Variants in TFCP2L1 observed in about 807,000 individuals in gnomAD.
TFCP2L1 encodes transcription factor CP2 like 1.
Under a neutral mutation model 72.2 loss-of-function variants are expected in TFCP2L1, and 12 were observed. The ratio of observed to expected loss-of-function variants is 0.17; its 90% CI spans 0.11 to 0.27. TFCP2L1 has a LOEUF of 0.27. TFCP2L1 is among the 10% of genes least tolerant of loss of function. The probability of loss-of-function intolerance (pLI) is 1.00; values close to 1 mark genes in which losing one functional copy is unlikely to be tolerated. For missense variants in TFCP2L1, 488 were observed against 624.6 expected, an observed-to-expected ratio of 0.78 and a Z score of 2.33; for synonymous variants, 260 against 251.0, an observed-to-expected ratio of 1.04 and a Z score of -0.34.
chr2:121,234,081 C>T lies in TFCP2L1; in HGVS notation c.1198+10G>A. On this transcript the variant is annotated intron_variant, in intron 12 of 14. Transcript: ENST00000263707. ...ATGTGTGGGTCCCAGCTCTGCTCCC[C>T]ACAACTCACCAGACAGGTTGCTGTC... 6.2e-7 allele frequency: 1 copy of T among 1,612,580 alleles called. No homozygotes were observed. The highest frequency in any genetic ancestry group is 8.5e-7 in the Non-Finnish European group (1 of 1,179,792).
intron 2 of TFCP2L1, among the ~76,000 whole-genome samples, chr2:121,260,707 G>A (rs1686815081): frequency 1.3e-5 from 2 of 152,348 alleles, no homozygotes. Flanking sequence ...GCACTGCCCA[G>A]AGCAGGCTGC....
chr2:121,246,772 G>T (rs1009103028), intron 6 of TFCP2L1, 46 bp downstream of exon 6: 2 of 1,610,656 alleles, frequency 1.2e-6, no homozygotes, highest in African/African-American at 2.7e-5. Context: ...GTGACCACAG[G>T]CCAGGCCAGC....
At chr2:121,235,471 A>G (rs1686227452) in intron 10 of TFCP2L1, among the ~76,000 whole-genome samples, 160 bp from the exon 11 acceptor site, 1 of 152,132 alleles carries the variant, frequency 6.6e-6, no homozygotes, top group Admixed American at 6.5e-5. Flanking sequence ...AACAACATCA[A>G]AAGATTGCAG....
rs1162377136 is a variant in TFCP2L1 at position 121,222,784 on chromosome 2, G to T, written c.*1557C>A. Reference sequence around the variant, plus strand: ...GCAATGGGTAAACTGAATGGCATGTGAATGACATCTCAATAAAGCTGTTAG... The same window carrying T: ...GCAATGGGTAAACTGAATGGCATGTTAATGACATCTCAATAAAGCTGTTAG... On this transcript the variant is annotated 3_prime_UTR_variant, in exon 15 of 15. Coordinates refer to ENST00000263707, the MANE Select transcript of TFCP2L1 (RefSeq NM_014553.3). The T allele has an allele frequency of 2.0e-5, 3 of 151,672 alleles. No homozygotes were observed. The highest frequency in any genetic ancestry group is 7.3e-5 in the African/African-American group (3 of 41,284). The allele number at this position is 151,672 out of a possible 1,614,324, so 9.4% of individuals were successfully genotyped here.
At chr2:121,224,418 C>A (rs1243807438) in intron 14 of TFCP2L1, 31 bp from the exon 15 acceptor site, 2 of 1,611,708 alleles carry the variant, frequency 1.2e-6, no homozygotes. Flanking sequence ...GTGTATTTCA[C>A]AGGAAAAAAG....
At chr2:121,278,028 TC>T (rs544016985) in intron 2 of TFCP2L1, among the ~76,000 whole-genome samples, 3 of 134,678 alleles carry the variant, frequency 2.2e-5, no homozygotes, top group African/African-American at 8.1e-5. Flanking sequence ...CCTTTTTCTC[TC>T]TTTTTTTTTT....
intron 2 of TFCP2L1, among the ~76,000 whole-genome samples, chr2:121,262,220 A>G (rs1430079782): frequency 6.6e-6 from 1 of 152,190 alleles, no homozygotes; most frequent in Non-Finnish European, 1.5e-5. Flanking sequence ...TAATCCCAGC[A>G]CTTTGGGAGG....
chr2:121,271,194 T>TAAAA (rs1558744728), intron 2 of TFCP2L1, among the ~76,000 whole-genome samples: 4 of 111,158 alleles, frequency 3.6e-5, no homozygotes, highest in Non-Finnish European at 5.2e-5. Context: ...CGTCTCAAAA[T>TAAAA]AAAAATAAAA....
chr2:121,242,580 C>G (rs1220205467), intron 6 of TFCP2L1, 111 bp from the exon 7 acceptor site: 1 of 991,072 alleles, frequency 1.0e-6, no homozygotes, highest in Non-Finnish European at 1.6e-6. Flanking sequence ...GGGAGGAACT[C>G]AGGGGCAGGA....
chr2:121,249,730 C>A, intron 2 of TFCP2L1, 83 bp from the exon 3 acceptor site: 1 of 1,386,562 alleles, frequency 7.2e-7, no homozygotes, highest in Admixed American at 1.7e-5. Context: ...TTCTCAACAC[C>A]CTCAGTGCCC....
intron 2 of TFCP2L1, among the ~76,000 whole-genome samples, chr2:121,266,171 T>C (rs569715227): frequency 9.2e-5 from 14 of 151,578 alleles, no homozygotes; most frequent in South Asian, 4.2e-4. Context: ...AGTTTTTTTT[T>C]CCCCCAAGTA....
intron 7 of TFCP2L1, chr2:121,240,786 C>G (rs1364657678): frequency 1.0e-6 from 1 of 968,282 alleles, no homozygotes; most frequent in East Asian, 1.1e-4. Flanking sequence ...GGTCTGGCCT[C>G]TAATCCATAA....
At position 121,222,234 on chromosome 2, in the gene TFCP2L1, A is replaced by C. The variant is rs1385951671; in HGVS notation, c.*2107T>G. 6.6e-6 allele frequency: 1 copy of C among 152,280 alleles called. No individual in the cohort carries two copies. The highest frequency in any genetic ancestry group is 2.4e-5 in the African/African-American group (1 of 41,478). 9.4% of individuals were successfully genotyped at this position (152,280 alleles called of 1,614,324 possible). A position where few individuals can be genotyped will look rare whatever the true frequency, so the allele number is the denominator to read the frequency against. ...AAATGGTACAGCTGCTATAGAAAACAGTCTGGCAGTTTCTCAAAAAGTTAA... is the reference window on the plus strand; with the variant it reads ...AAATGGTACAGCTGCTATAGAAAACCGTCTGGCAGTTTCTCAAAAAGTTAA... On this transcript the variant is annotated 3_prime_UTR_variant, in exon 15 of 15. Coordinates refer to ENST00000263707, the MANE Select transcript of TFCP2L1 (RefSeq NM_014553.3).
In TFCP2L1 at chr2:121,238,363, C is replaced by T. The variant is rs149461125; in HGVS notation, c.861-513G>A. Among the ~76,000 whole-genome samples the T allele has an allele frequency of 1.3e-3, 204 of 152,254 alleles. 1 individual carries two copies. Among genetic ancestry groups the T allele is most frequent in the Non-Finnish European group, 1.9e-3 (129 of 68,016 alleles). ...GCACCCGCAGCTTGACATCCATCCA[C>T]GAGGAAAAGCACTGTTCTGTTCTCT... On this transcript the variant is annotated intron_variant, in intron 8 of 14. Coordinates refer to ENST00000263707, the MANE Select transcript of TFCP2L1 (RefSeq NM_014553.3).
chr2:121,260,062 A>G (rs1015136739), intron 2 of TFCP2L1, among the ~76,000 whole-genome samples: 4 of 152,208 alleles, frequency 2.6e-5, no homozygotes, highest in African/African-American at 7.2e-5. Context: ...CATGCAGACC[A>G]TGTAAGACAG....
In TFCP2L1 at chr2:121,281,142, C is replaced by T. The variant is rs376149868; in HGVS notation, c.192G>A (p.Glu64=). The T allele has an allele frequency of 1.9e-6, 3 of 1,614,024 alleles. No homozygotes were observed. The change falls in exon 2 of 15, where the codon GAG becomes GAA. Residue 64 remains glutamate (E), a synonymous_variant. Coordinates refer to ENST00000263707, the MANE Select transcript of TFCP2L1 (RefSeq NM_014553.3). Reference sequence around the variant, plus strand: ...TACCTTGGTTGAGGTAGGTCAGCGTCTCTTCATGCAGCTTCACGGCTGGGG... The same window carrying T: ...TACCTTGGTTGAGGTAGGTCAGCGTTTCTTCATGCAGCTTCACGGCTGGGG... ...ATSPAVKLHE[E]TLTYLNQGQS...
At chr2:121,260,183 C>G (rs1322511477) in intron 2 of TFCP2L1, among the ~76,000 whole-genome samples, 1 of 152,094 alleles carries the variant, frequency 6.6e-6, no homozygotes, top group Non-Finnish European at 1.5e-5. Context: ...CAGAGAGGTG[C>G]TGACCTGCCC....
At chr2:121,274,703 C>T (rs55886903) in intron 2 of TFCP2L1, among the ~76,000 whole-genome samples, 2 of 152,180 alleles carry the variant, frequency 1.3e-5, no homozygotes, top group African/African-American at 4.8e-5. Context: ...AATCCCAACA[C>T]TTTGGGAGGC....
rs1177889345 is a variant in TFCP2L1, at chr2:121,217,309, A to G, written c.*7032T>C. 1 of 152,350 alleles carries G rather than the reference A, an allele frequency of 6.6e-6. No individual in the cohort carries two copies. Among genetic ancestry groups the G allele is most frequent in the African/African-American group, 2.4e-5 (1 of 41,474 alleles). The allele number at this position is 152,350 out of a possible 1,614,324, so 9.4% of individuals were successfully genotyped here. A position where few individuals can be genotyped will look rare whatever the true frequency, so the allele number is the denominator to read the frequency against. Reference sequence around the variant, plus strand: ...CCTGTTAGCCCCAGCTGCTATCACTACTGTTACTCACGAAGAAAGGAACTG... The same window carrying G: ...CCTGTTAGCCCCAGCTGCTATCACTGCTGTTACTCACGAAGAAAGGAACTG... On this transcript the variant is annotated 3_prime_UTR_variant, in exon 15 of 15. Transcript: ENST00000263707.
Sources: gnomAD v4.1 joint callset for allele counts (sites outside exome capture counted in the v4.1 genomes callset) on GRCh38, gnomAD v4.1.1 for gene constraint, MANE v1.5 for transcripts, NCBI Gene and HGNC (gene_info 2026-07-23, HGNC 2026-07-21) for gene names.